The following ASH1L variants were observed in gnomAD, a reference collection of about 807,000 sequenced individuals.
ASH1L encodes the protein ASH1 like histone lysine methyltransferase.
In ASH1L, 23 loss-of-function variants were observed where a neutral mutation model predicts 269.0. That is an observed-to-expected ratio of 0.09 (90% CI 0.06 to 0.12). The LOEUF (loss-of-function observed/expected upper bound fraction) is 0.12, where lower values mean the gene tolerates loss of function less well. Among genes scored for constraint, ASH1L ranks in the 10% least tolerant of loss-of-function variants. The pLI is 1.00. For synonymous variants in ASH1L, 1,187 were observed against 1,253.5 expected, an observed-to-expected ratio of 0.95 and a Z score of 1.12; for missense variants, 2,912 against 3,567.8, an observed-to-expected ratio of 0.82 and a Z score of 4.68.
rs754645316 is a variant in ASH1L, at chr1:155,489,795, AAAATAAAT to A, written c.421-7354_421-7347del. On this transcript the variant is annotated intron_variant, in intron 2 of 27. Coordinates refer to ENST00000392403, the MANE Select transcript of ASH1L (RefSeq NM_018489.3). The stretch of plus-strand genomic sequence containing the variant: ...TAAATAAATGGGGAGACACTGTCTC[AAAATAAAT>A]AAATAAATAAATAAATAAATAAATA... Among the ~76,000 whole-genome samples the A allele has an allele frequency of 1.8e-3, 251 of 141,548 alleles. 1 individual carries two copies. The highest frequency in any genetic ancestry group is 4.9e-3 in the South Asian group (22 of 4,446). 92.9% of individuals were successfully genotyped at this position (141,548 alleles called of 152,430 possible). A position where few individuals can be genotyped will look rare whatever the true frequency, so the allele number is the denominator to read the frequency against.
intron 6 of ASH1L, among the ~76,000 whole-genome samples, chr1:155,408,319 A>G (rs1659463005): frequency 6.6e-6 from 1 of 152,220 alleles, no homozygotes; most frequent in Non-Finnish European, 1.5e-5. Flanking sequence ...TATAAAATTT[A>G]TACACTTGTG....
Position 155,356,931 on chromosome 1 carries a change from A to AC in ASH1L, c.7055+384_7055+385insG, listed in dbSNP as rs1654447569. 6.6e-5 allele frequency among the ~76,000 whole-genome samples: 8 copies of AC among 121,974 alleles called. No individual in the cohort carries two copies. In the South Asian group the frequency reaches 1.8e-3, roughly 28 times the overall value. 80.0% of individuals were successfully genotyped at this position (121,974 alleles called of 152,430 possible). ...TAGTGAGACCTTGTCTCTACAAAAA[A>AC]TTTAAAAAAAAAAAATTAGCCAGGT... On this transcript the variant is annotated intron_variant, in intron 15 of 27. Transcript: ENST00000392403.
Position 155,479,805 on chromosome 1 carries a change from A to C in ASH1L, c.3065T>G (p.Val1022Gly), listed in dbSNP as rs1570937983. 1 of 1,614,168 alleles carries C rather than the reference A, an allele frequency of 6.2e-7. No homozygotes were observed. The highest frequency in any genetic ancestry group is 8.5e-7 in the Non-Finnish European group (1 of 1,180,014). Residue 1022 changes from valine (V) to glycine (G), a missense_variant, in exon 3 of 28, where the codon GTA (valine) becomes GGA (glycine). By Grantham distance (109) the Val-to-Gly change is moderately radical. Around this residue, in one of 13 missense-constraint regions of ASH1L, gnomAD observed 715 missense variants for 721.0 expected, o/e 0.99. Transcript: ENST00000392403. Reference sequence around the variant, plus strand: ...GCCAAATGTGGCAGCAAGACTTGATACCGTATTATGGAGTTTGGATTGCAC... The same window carrying C: ...GCCAAATGTGGCAGCAAGACTTGATCCCGTATTATGGAGTTTGGATTGCAC... ...GKVQSKLHNTVSSLAATFGSK... is the reference protein window; with the variant it reads ...GKVQSKLHNTGSSLAATFGSK...
chr1:155,557,716 A>G (rs1466576432), intron 1 of ASH1L, among the ~76,000 whole-genome samples: 1 of 152,260 alleles, frequency 6.6e-6, no homozygotes, highest in Non-Finnish European at 1.5e-5. Context: ...ACAAGCAATA[A>G]GAAAATCTAG....
At chr1:155,433,553 G>A (rs1558099122) in intron 5 of ASH1L, 4 of 1,610,722 alleles carry the variant, frequency 2.5e-6, no homozygotes, top group Non-Finnish European at 3.4e-6. Context: ...CGTGAAACTG[G>A]AGAAGGAGAA....
At chr1:155,440,420 A>T in intron 4 of ASH1L, 1 of 193,476 alleles carries the variant, frequency 5.2e-6, no homozygotes, top group Non-Finnish European at 9.5e-6. Context: ...CCTTTGATTA[A>T]CTTTCAATTA....
At chr1:155,446,285 CAATT>C (rs1423323882) in intron 4 of ASH1L, among the ~76,000 whole-genome samples, 2 of 150,038 alleles carry the variant, frequency 1.3e-5, no homozygotes, top group Non-Finnish European at 3.0e-5. Context: ...ATTTATATTT[CAATT>C]AATTAATTAA....
At chr1:155,456,021 T>A (rs1663839710) in intron 4 of ASH1L, among the ~76,000 whole-genome samples, 1 of 152,206 alleles carries the variant, frequency 6.6e-6, no homozygotes, top group Admixed American at 6.5e-5. Flanking sequence ...TCCTAGGCTC[T>A]GTCTTTTGTC....
rs537090950 is a variant in ASH1L, at chr1:155,451,666, G to A, written c.5086+8131C>T. ...CCCAGTTACTTGGAGGCTGAGGCAGGAGAATCGCTTGTACTTGGAATCCAG... is the reference window on the plus strand; with the variant it reads ...CCCAGTTACTTGGAGGCTGAGGCAGAAGAATCGCTTGTACTTGGAATCCAG... On this transcript the variant is annotated intron_variant, in intron 4 of 27. Transcript: ENST00000392403. Among the ~76,000 whole-genome samples the A allele has an allele frequency of 4.3e-4, 65 of 152,124 alleles. 1 individual carries two copies. Among genetic ancestry groups the A allele is most frequent in the African/African-American group, 1.5e-3 (64 of 41,494 alleles).
chr1:155,405,752 C>T (rs573449026), intron 6 of ASH1L, among the ~76,000 whole-genome samples: 7 of 151,070 alleles, frequency 4.6e-5, no homozygotes, highest in East Asian at 3.9e-4. Context: ...ATCACCTGAA[C>T]CTGGGAGGTG....
chr1:155,370,295 CAG>C (rs1655826567), intron 12 of ASH1L: 1 of 592,308 alleles, frequency 1.7e-6, no homozygotes, highest in Non-Finnish European at 2.9e-6. Context: ...AACAAAAAAA[CAG>C]AACACAAATA....
chr1:155,365,372 A>ATTTTTTTTTTTTTTTT (rs142145021), intron 12 of ASH1L, among the ~76,000 whole-genome samples: 7 of 124,242 alleles, frequency 5.6e-5, no homozygotes, highest in African/African-American at 1.9e-4. Context: ...TGCCCGGCTG[A>ATTTTTTTTTTTTTTTT]TTTTTTTTTT....
chr1:155,487,309 T>C (rs1666393957), intron 2 of ASH1L, among the ~76,000 whole-genome samples: 1 of 152,130 alleles, frequency 6.6e-6, no homozygotes, highest in African/African-American at 2.4e-5. Flanking sequence ...AAAAAATTAT[T>C]ACTCATGGTA....
chr1:155,346,184 T>G, intron 21 of ASH1L, 199 bp downstream of exon 21: 1 of 1,487,586 alleles, frequency 6.7e-7, no homozygotes, highest in Non-Finnish European at 9.0e-7. Context: ...TTCTAAGTAT[T>G]TTATTTTCCC....
chr1:155,538,382 G>T (rs1571102734), intron 1 of ASH1L, among the ~76,000 whole-genome samples: 1 of 150,310 alleles, frequency 6.7e-6, no homozygotes, highest in African/African-American at 2.5e-5. Flanking sequence ...TTTTGAGATG[G>T]AGTCTCACTC....
At chr1:155,415,549 T>A (rs1473834357) in intron 6 of ASH1L, among the ~76,000 whole-genome samples, 195 bp downstream of exon 6, 3 of 152,134 alleles carry the variant, frequency 2.0e-5, no homozygotes, top group African/African-American at 4.8e-5. Context: ...TTGTACTGAT[T>A]TCCCCCCACA....
chr1:155,465,197 T>C (rs1664581392), intron 3 of ASH1L, among the ~76,000 whole-genome samples: 1 of 143,866 alleles, frequency 7.0e-6, no homozygotes, highest in Non-Finnish European at 1.5e-5. Context: ...AAAGAAATCA[T>C]GAGAATAAAG....
intron 2 of ASH1L, among the ~76,000 whole-genome samples, chr1:155,486,859 AAAAAAAAAAG>A (rs1666362161): frequency 2.0e-5 from 3 of 152,042 alleles, no homozygotes; most frequent in Non-Finnish European, 4.4e-5. Context: ...ACAGTTTAAA[AAAAAAAAAAG>A]AAAAAAAAAG....
chr1:155,425,797 C>T (rs780341632), intron 5 of ASH1L, among the ~76,000 whole-genome samples: 1 of 151,872 alleles, frequency 6.6e-6, no homozygotes, highest in East Asian at 1.9e-4. Context: ...CAGGCTGGCT[C>T]GAACTCCTGA....
Sources: gnomAD v4.1 joint callset for allele counts (sites outside exome capture counted in the v4.1 genomes callset) on GRCh38, gnomAD v4.1.1 for gene constraint, gnomAD v4.1.1 regional missense constraint, MANE v1.5 for transcripts, NCBI Gene and HGNC (gene_info 2026-07-23, HGNC 2026-07-21) for gene names.